CPT1C: variants seen among roughly 807,000 people sequenced by gnomAD.
The protein encoded by CPT1C is palmitoyl thioesterase CPT1C.
Under a neutral mutation model 97.3 loss-of-function variants are expected in CPT1C, and 61 were observed. That is an observed-to-expected ratio of 0.63 (90% CI 0.51 to 0.78). The LOEUF (loss-of-function observed/expected upper bound fraction) is 0.78. Among genes scored for constraint, CPT1C ranks in the 30% least tolerant of loss-of-function variants. The probability of loss-of-function intolerance (pLI) is 0.00; values close to 1 mark genes in which losing one functional copy is unlikely to be tolerated. For missense variants in CPT1C, 975 were observed against 1,065.5 expected (o/e 0.92, Z 1.18); for synonymous variants, 469 against 447.2 (o/e 1.05, Z -0.61).
At chr19:49,712,927 AGGG>A in intron 18 of CPT1C, 42 bp from the exon 19 acceptor site, 1 of 1,594,420 alleles carries the variant, frequency 6.3e-7, no homozygotes, top group Non-Finnish European at 8.6e-7. Context: ...GTGGGGGTGG[AGGG>A]GACCGGAGCT....
intron 4 of CPT1C, among the ~76,000 whole-genome samples, chr19:49,700,127 T>A (rs543914840): frequency 7.2e-6 from 1 of 138,950 alleles, no homozygotes; most frequent in Non-Finnish European, 1.6e-5. Flanking sequence ...GGCACCTGTA[T>A]TCCCAGCTAC....
At chr19:49,709,642 T>A (rs2083727471) in intron 14 of CPT1C, among the ~76,000 whole-genome samples, 1 of 148,188 alleles carries the variant, frequency 6.7e-6, no homozygotes, top group African/African-American at 2.5e-5. Context: ...GCAACCTCCA[T>A]CTCCCAGGTT....
chr19:49,706,395 C>T lies in CPT1C; in HGVS notation c.1325C>T (p.Ala442Val). 1.3e-6 allele frequency: 2 copies of T among 1,493,596 alleles called. No homozygotes were observed. Among genetic ancestry groups the T allele is most frequent in the Admixed American group, 2.7e-5 (1 of 36,834 alleles). 92.5% of individuals were successfully genotyped at this position (1,493,596 alleles called of 1,614,324 possible). A position where few individuals can be genotyped will look rare whatever the true frequency, so the allele number is the denominator to read the frequency against. Residue 442 changes from alanine (A) to valine (V), a missense_variant, in exon 12 of 20, where the codon GCC (alanine) becomes GTC (valine). By Grantham distance (64) the Ala-to-Val change is moderately conservative (BLOSUM62 0). Transcript: ENST00000598293. This position sits in a 1 kb window ranked among gnomAD's most constrained non-coding sequence, Gnocchi z 4.8. The part of the protein sequence containing the change: ...SLDAYAHALL[A>V]GRGHDRWFDK... ...GATGCCTACGCCCATGCTCTGCTGGCCGGCCGGGGCCATGATCGGTGAGTG... is the reference window on the plus strand; with the variant it reads ...GATGCCTACGCCCATGCTCTGCTGGTCGGCCGGGGCCATGATCGGTGAGTG...
chr19:49,693,932 G>C (rs1401016191), intron 3 of CPT1C, among the ~76,000 whole-genome samples: 1 of 152,108 alleles, frequency 6.6e-6, no homozygotes, highest in Non-Finnish European at 1.5e-5. Flanking sequence ...TGGTGTGGTA[G>C]TGGGTGCCTG....
At chr19:49,710,551 C>A in intron 15 of CPT1C, 67 bp downstream of exon 15, 1 of 1,592,730 alleles carries the variant, frequency 6.3e-7, no homozygotes, top group Non-Finnish European at 8.6e-7. Flanking sequence ...AAGACCTGCC[C>A]CTCCACGGTT....
rs996054516 is a variant in CPT1C at position 49,698,654 on chromosome 19, C to T, written c.281+1189C>T. 1.1e-4 allele frequency among the ~76,000 whole-genome samples: 17 copies of T among 149,288 alleles called. 2 individuals are homozygous for T. The highest frequency in any genetic ancestry group is 4.2e-4 in the African/African-American group (17 of 40,698). Reference sequence around the variant, plus strand: ...CTTCAGCCTTGGTGACAGAGCGAGACTCTGTCTCAAAAAAAAAAAAAAAGT... The same window carrying T: ...CTTCAGCCTTGGTGACAGAGCGAGATTCTGTCTCAAAAAAAAAAAAAAAGT... On this transcript the variant is annotated intron_variant, in intron 4 of 19. Coordinates refer to ENST00000598293, the MANE Select transcript of CPT1C (RefSeq NM_001199753.2).
Position 49,711,979 on chromosome 19 carries a change from G to C in CPT1C, c.2019+18G>C. The C allele has an allele frequency of 1.9e-6, 3 of 1,608,570 alleles. No homozygotes were observed. The highest frequency in any genetic ancestry group is 2.6e-6 in the Non-Finnish European group (3 of 1,175,900). ...TGACCCAGGTTGGGGCACAGGGAAA[G>C]GGTTAGAGAGGGAAGTGGGAGACCA... On this transcript the variant is annotated intron_variant, in intron 17 of 19. Transcript: ENST00000598293.
Position 49,701,309 on chromosome 19 carries a change from C to T in CPT1C, c.454-8C>T. On this transcript the variant is annotated splice_region_variant and splice_polypyrimidine_tract_variant and intron_variant, in intron 5 of 19. Coordinates refer to ENST00000598293, the MANE Select transcript of CPT1C (RefSeq NM_001199753.2). ...GGGGTTAATGACCCGGTAACTCCTCCTCCCCAGGCCCTGGTCCGCATCTTC... is the reference window on the plus strand; with the variant it reads ...GGGGTTAATGACCCGGTAACTCCTCTTCCCCAGGCCCTGGTCCGCATCTTC... 3 of 1,609,226 alleles carry T rather than the reference C, an allele frequency of 1.9e-6. No homozygotes were observed. The highest frequency in any genetic ancestry group is 2.5e-6 in the Non-Finnish European group (3 of 1,178,082).
chr19:49,709,399 C>A (rs1386324085), intron 14 of CPT1C, among the ~76,000 whole-genome samples: 1 of 151,772 alleles, frequency 6.6e-6, no homozygotes, highest in Non-Finnish European at 1.5e-5. Flanking sequence ...CAACCACAAC[C>A]CATGCCCAAC....
chr19:49,694,620 C>G (rs1311689155), intron 3 of CPT1C, among the ~76,000 whole-genome samples: 1 of 144,206 alleles, frequency 6.9e-6, no homozygotes, highest in African/African-American at 2.6e-5. Context: ...CAGAGCAAGA[C>G]TCCGTTTCAA....
At chr19:49,713,295 C>T (rs981197784) in intron 19 of CPT1C, 125 bp from the exon 20 acceptor site, 3 of 935,900 alleles carry the variant, frequency 3.2e-6, no homozygotes, top group African/African-American at 3.3e-5. Flanking sequence ...CCCTCAGACT[C>T]GGGAGTCCAG....
intron 5 of CPT1C, 44 bp from the exon 6 acceptor site, chr19:49,701,273 G>T: frequency 6.5e-7 from 1 of 1,549,450 alleles, no homozygotes. Context: ...TCAACTCCCT[G>T]GCTCCGGTGA....
chr19:49,713,727 C>A lies in CPT1C; in HGVS notation c.*122C>A. On this transcript the variant is annotated 3_prime_UTR_variant, in exon 20 of 20. Transcript: ENST00000598293. ...ATCCAGGCCAATAAAGATGTGTGAG[C>A]TGGGTGTGTGGTGTCTGCTATGCTC... The A allele has an allele frequency of 1.1e-6, 1 of 914,872 alleles. No individual in the cohort carries two copies. The highest frequency in any genetic ancestry group is 1.7e-6 in the Non-Finnish European group (1 of 601,672). The allele number at this position is 914,872 out of a possible 1,614,324, so 56.7% of individuals were successfully genotyped here. A position where few individuals can be genotyped will look rare whatever the true frequency, so the allele number is the denominator to read the frequency against.
At chr19:49,702,109 T>TAAATAAATAA (rs2083188101) in intron 7 of CPT1C, among the ~76,000 whole-genome samples, 1 of 70,936 alleles carries the variant, frequency 1.4e-5, no homozygotes, top group African/African-American at 9.4e-5. Flanking sequence ...ATTATAAATA[T>TAAATAAATAA]ATATTTATTT....
rs751193403 is a variant in CPT1C, at chr19:49,701,434, C to T, written c.555+16C>T. 6.3e-7 allele frequency: 1 copy of T among 1,596,198 alleles called. No individual in the cohort carries two copies. Among genetic ancestry groups the T allele is most frequent in the Non-Finnish European group, 8.6e-7 (1 of 1,168,844 alleles). The stretch of plus-strand genomic sequence containing the variant: ...CGTGCGCAAGGTGGGCCTGGGAGCG[C>T]GCAGACGGGCTGGGGCGGCCGGGGC... On this transcript the variant is annotated intron_variant, in intron 6 of 19. Coordinates refer to ENST00000598293, the MANE Select transcript of CPT1C (RefSeq NM_001199753.2).
chr19:49,700,622 G>A (rs1324373173), intron 4 of CPT1C, 62 bp from the exon 5 acceptor site: 2 of 1,561,342 alleles, frequency 1.3e-6, no homozygotes, highest in African/African-American at 1.3e-5. Context: ...GGAGGGGGCT[G>A]GAAGGGAGGG....
At chr19:49,694,085 AAAAAAT>A (rs1280644849) in intron 3 of CPT1C, among the ~76,000 whole-genome samples, 2 of 136,556 alleles carry the variant, frequency 1.5e-5, no homozygotes, top group Non-Finnish European at 3.1e-5. Context: ...AAAATAAAAT[AAAAAAT>A]AAATAAATAA....
intron 10 of CPT1C, among the ~76,000 whole-genome samples, chr19:49,705,537 A>G (rs954275083): frequency 7.2e-5 from 11 of 152,084 alleles, no homozygotes; most frequent in African/African-American, 2.7e-4. Flanking sequence ...GAGGTGGACA[A>G]TTGCTTAGGC....
intron 5 of CPT1C, among the ~76,000 whole-genome samples, chr19:49,701,070 CCCCTCTGGGTCTCTACCCCCGA>C (rs1443775695): frequency 1.5e-5 from 1 of 67,476 alleles, no homozygotes; most frequent in Non-Finnish European, 2.8e-5. Flanking sequence ...TCTCCGTCCC[CCCCTCTGGGTCTCTACCCCCGA>C]CTCTCTCTGG....
Sources: gnomAD v4.1 joint callset for allele counts (sites outside exome capture counted in the v4.1 genomes callset) on GRCh38, gnomAD v4.1.1 for gene constraint, Gnocchi (gnomAD v3.1) non-coding constraint, MANE v1.5 for transcripts, NCBI Gene and HGNC (gene_info 2026-07-23, HGNC 2026-07-21) for gene names.